The following GTF2A1L variants were observed in gnomAD, a reference collection of about 807,000 sequenced individuals.
GTF2A1L encodes general transcription factor IIA subunit 1 like, also known as TFIIA-alpha and beta-like factor.
GTF2A1L carries 48 observed loss-of-function variants against 49.7 expected under a neutral mutation model. The observed-to-expected ratio is 0.97, with a 90% CI of 0.77 to 1.23. The LOEUF is 1.23. Ranked by LOEUF, GTF2A1L falls within the 50% of genes most tolerant of loss-of-function variation. The pLI, the probability that GTF2A1L is intolerant of heterozygous loss-of-function variation, is 0.00. For synonymous variants in GTF2A1L, 246 were observed against 193.5 expected (o/e 1.27, Z -2.25); for missense variants, 736 against 564.8 (o/e 1.30, Z -3.07).
At chr2:48,678,938 T>TGGA (rs1215390167) in intron 8 of GTF2A1L, among the ~76,000 whole-genome samples, 1 of 152,050 alleles carries the variant, frequency 6.6e-6, no homozygotes, top group African/African-American at 2.4e-5. Flanking sequence ...ACTCCTTACC[T>TGGA]TCTTCAAGTT....
In GTF2A1L at chr2:48,642,434, C is replaced by A. The variant is rs771710498; in HGVS notation, c.280C>A (p.Pro94Thr). The A allele has an allele frequency of 6.3e-6, 10 of 1,592,882 alleles. No homozygotes were observed. The highest frequency in any genetic ancestry group is 5.0e-5 in the Admixed American group (3 of 59,750). ...AGTTATTCCTGCTGGTAGAACTCTT[C>A]CAAGTTTTACCACAGCAGAACTGGT... The part of the protein sequence containing the change: ...SLVIPAGRTL[P>T]SFTTAELGTS... The change falls in exon 4 of 9, where the codon CCA (proline) becomes ACA (threonine). Residue 94 changes from proline (P) to threonine (T), a missense_variant. Coordinates refer to ENST00000403751, the MANE Select transcript of GTF2A1L (RefSeq NM_006872.5).
At chr2:48,631,324 G>A (rs1046809916) in intron 3 of GTF2A1L, among the ~76,000 whole-genome samples, 22 of 152,090 alleles carry the variant, frequency 1.4e-4, no homozygotes, top group African/African-American at 5.3e-4. Flanking sequence ...TCTGTTCAGA[G>A]TTTTAATTTC....
Position 48,679,490 on chromosome 2 carries a change from A to G in GTF2A1L, c.*48A>G. 1.3e-6 allele frequency: 2 copies of G among 1,599,418 alleles called. No individual in the cohort carries two copies. Among genetic ancestry groups the G allele is most frequent in the Non-Finnish European group, 1.7e-6 (2 of 1,175,390 alleles). ...ATTTTGTGAACATCAGTTGGATTAT[A>G]TTGCATATTGTGAATTCATTTTTAT... On this transcript the variant is annotated 3_prime_UTR_variant, in exon 9 of 9. Transcript: ENST00000403751.
Position 48,679,593 on chromosome 2 carries a change from C to CAG in GTF2A1L, c.*153_*154dup. 7.1e-7 allele frequency: 1 copy of CAG among 1,405,166 alleles called. No homozygotes were observed. Among genetic ancestry groups the CAG allele is most frequent in the African/African-American group, 1.5e-5 (1 of 66,820 alleles). The allele number at this position is 1,405,166 out of a possible 1,614,324, so 87.0% of individuals were successfully genotyped here. ...ATTTAATAAAATTATAATTCAGATG[C>CAG]AGATACAATTACACAATTTTATATG... On this transcript the variant is annotated 3_prime_UTR_variant, in exon 9 of 9. Coordinates refer to ENST00000403751, the MANE Select transcript of GTF2A1L (RefSeq NM_006872.5).
At chr2:48,623,515 G>A (rs1452152526) in intron 3 of GTF2A1L, among the ~76,000 whole-genome samples, 2 of 152,178 alleles carry the variant, frequency 1.3e-5, no homozygotes, top group East Asian at 3.9e-4. Flanking sequence ...GCAGTTTGCA[G>A]ATTTCTCAAC....
intron 6 of GTF2A1L, among the ~76,000 whole-genome samples, chr2:48,666,237 G>A (rs1678833126): frequency 6.7e-6 from 1 of 149,388 alleles, no homozygotes; most frequent in Non-Finnish European, 1.5e-5. Flanking sequence ...ATGGTGTCTC[G>A]CTCTGTCACC....
intron 8 of GTF2A1L, among the ~76,000 whole-genome samples, chr2:48,677,531 T>TA (rs1430430925): frequency 6.6e-6 from 1 of 152,010 alleles, no homozygotes; most frequent in African/African-American, 2.4e-5. Context: ...AAGGATTTTG[T>TA]AGTCCATTGT....
chr2:48,660,714 C>T (rs1244399335), intron 6 of GTF2A1L, among the ~76,000 whole-genome samples: 2 of 152,048 alleles, frequency 1.3e-5, no homozygotes, highest in African/African-American at 4.8e-5. Context: ...GATCTTGGCT[C>T]ACTGCAACCT....
chr2:48,650,138 A>T (rs892604514), intron 6 of GTF2A1L, among the ~76,000 whole-genome samples: 4 of 152,206 alleles, frequency 2.6e-5, no homozygotes, highest in Admixed American at 1.3e-4. Flanking sequence ...ATACATTGAT[A>T]TGTTCTCTTT....
chr2:48,672,485 CA>C (rs1679224931), intron 8 of GTF2A1L, among the ~76,000 whole-genome samples: 2 of 152,082 alleles, frequency 1.3e-5, no homozygotes, highest in African/African-American at 4.8e-5. Context: ...TTGGAAAAAG[CA>C]AATGGTAAAA....
Position 48,629,378 on chromosome 2 carries a change from A to G in GTF2A1L, c.247+8088A>G, listed in dbSNP as rs114736592. 8.5e-3 allele frequency among the ~76,000 whole-genome samples: 1,234 copies of G among 144,866 alleles called. 101 individuals carry two copies. The highest frequency in any genetic ancestry group is 0.029 in the African/African-American group (1,190 of 40,772). The stretch of plus-strand genomic sequence containing the variant: ...TAAAACTTGATATGGAAGGCATGTA[A>G]GAATTGTACTGAGTACAACGTCTGT... On this transcript the variant is annotated intron_variant, in intron 3 of 8. Transcript: ENST00000403751.
chr2:48,654,709 ATTCAAT>A (rs1678072849), intron 6 of GTF2A1L, among the ~76,000 whole-genome samples: 1 of 152,060 alleles, frequency 6.6e-6, no homozygotes, highest in African/African-American at 2.4e-5. Context: ...ACATATGGAT[ATTCAAT>A]TGTTTTAGCA....
intron 6 of GTF2A1L, among the ~76,000 whole-genome samples, chr2:48,660,512 C>T (rs1678430637): frequency 6.6e-6 from 1 of 151,976 alleles, no homozygotes; most frequent in South Asian, 2.1e-4. Flanking sequence ...TTGCGTATTT[C>T]TAGGACTTTG....
chr2:48,622,426 A>G (rs1676053481), intron 3 of GTF2A1L, among the ~76,000 whole-genome samples: 1 of 152,152 alleles, frequency 6.6e-6, no homozygotes, highest in Admixed American at 6.5e-5. Context: ...TTTCATTGGG[A>G]CATCTCCTTC....
intron 7 of GTF2A1L, among the ~76,000 whole-genome samples, chr2:48,670,749 G>T (rs1313143770): frequency 1.2e-4 from 19 of 152,174 alleles, no homozygotes. Flanking sequence ...TAGATATGAG[G>T]AAACTGAGAT....
Position 48,649,127 on chromosome 2 carries a change from A to G in GTF2A1L, c.978+2085A>G, listed in dbSNP as rs527679982. Among the ~76,000 whole-genome samples the G allele has an allele frequency of 1.6e-4, 25 of 152,004 alleles. No homozygotes were observed. The South Asian group carries it at 2.1e-3, about 13-fold the overall frequency. On this transcript the variant is annotated intron_variant, in intron 6 of 8. Coordinates refer to ENST00000403751, the MANE Select transcript of GTF2A1L (RefSeq NM_006872.5). ...TTCTGCCCCTTGTAATTTCTGTTCT[A>G]TTTTCTTTGTCTGAATTTGACTCTT...
At chr2:48,679,311 T>C (rs2104335151) in intron 8 of GTF2A1L, 24 bp from the exon 9 acceptor site, 2 of 1,601,610 alleles carry the variant, frequency 1.2e-6, no homozygotes, top group Middle Eastern at 2.3e-4. Context: ...AATTAATTAA[T>C]GTAAACTACT....
At chr2:48,636,810 G>C (rs1676915881) in intron 3 of GTF2A1L, among the ~76,000 whole-genome samples, 1 of 152,016 alleles carries the variant, frequency 6.6e-6, no homozygotes, top group Non-Finnish European at 1.5e-5. Flanking sequence ...GTGTAAACTG[G>C]GACTGTCCTG....
intron 6 of GTF2A1L, among the ~76,000 whole-genome samples, chr2:48,655,096 T>C (rs1361517600): frequency 6.6e-6 from 1 of 152,122 alleles, no homozygotes; most frequent in Non-Finnish European, 1.5e-5. Flanking sequence ...GGAATTGACG[T>C]CTTCACAATA....
Sources: allele counts gnomAD v4.1 joint callset (sites outside exome capture counted in the v4.1 genomes callset), GRCh38; gene constraint gnomAD v4.1.1; transcripts MANE v1.5; gene names NCBI Gene and HGNC (gene_info 2026-07-23, HGNC 2026-07-21).